KIAA1549: variants seen among roughly 807,000 people sequenced by gnomAD.
The protein encoded by KIAA1549 is UPF0606 protein KIAA1549.
In KIAA1549, 70 loss-of-function variants were observed where a neutral mutation model predicts 156.4. That is an observed-to-expected ratio of 0.45 (90% CI 0.37 to 0.55). The LOEUF (loss-of-function observed/expected upper bound fraction) is 0.55, where lower values mean the gene tolerates loss of function less well. Ranked by LOEUF, KIAA1549 falls within the 20% of genes least tolerant of loss-of-function variation. The pLI, the probability that KIAA1549 is intolerant of heterozygous loss-of-function variation, is 0.00. For synonymous variants in KIAA1549, 1,103 were observed against 1,066.4 expected (o/e 1.03, Z -0.67); for missense variants, 2,428 against 2,540.9 (o/e 0.96, Z 0.96).
chr7:138,843,633 C>G (rs1289995195), intron 18 of KIAA1549, among the ~76,000 whole-genome samples: 1 of 152,030 alleles, frequency 6.6e-6, no homozygotes, highest in Non-Finnish European at 1.5e-5. Context: ...TTTCTATATT[C>G]GTTCAGATTT....
At chr7:138,871,077 C>G (rs1390692206) in intron 13 of KIAA1549, 80 bp downstream of exon 13, 1 of 1,348,320 alleles carries the variant, frequency 7.4e-7, no homozygotes, top group East Asian at 2.5e-5. Flanking sequence ...TTGGCCCCCC[C>G]AAGTGCTGGG....
chr7:138,859,318 A>C (rs1810486776), intron 16 of KIAA1549, among the ~76,000 whole-genome samples: 1 of 151,902 alleles, frequency 6.6e-6, no homozygotes, highest in African/African-American at 2.4e-5. Flanking sequence ...TATCTCCAAC[A>C]CAGTCATGTT....
At position 138,831,986 on chromosome 7, in the gene KIAA1549, C is replaced by G. The variant is rs1368387259; in HGVS notation, c.*5920G>C. ...TCTTTCCCCACATTTGCAGGAGGAACAGTACAGCATATGCGACTTGAACTT... is the reference window on the plus strand; with the variant it reads ...TCTTTCCCCACATTTGCAGGAGGAAGAGTACAGCATATGCGACTTGAACTT... On this transcript the variant is annotated 3_prime_UTR_variant, in exon 20 of 20. Coordinates refer to ENST00000422774, the MANE Select transcript of KIAA1549 (RefSeq NM_001164665.2). 4.3e-6 allele frequency: 1 copy of G among 232,262 alleles called. No homozygotes were observed. Among genetic ancestry groups the G allele is most frequent in the Non-Finnish European group, 8.5e-6 (1 of 117,516 alleles). The allele number at this position is 232,262 out of a possible 1,614,324, so 14.4% of individuals were successfully genotyped here.
rs372791474 is a variant in KIAA1549, at chr7:138,907,018, C to G, written c.3361G>C (p.Gly1121Arg). 1.6e-5 allele frequency: 26 copies of G among 1,613,500 alleles called. No individual in the cohort carries two copies. The highest frequency in any genetic ancestry group is 2.2e-5 in the Non-Finnish European group (26 of 1,179,732). ...NIIFAVKSTQ[G>R]FLNGSEVSEL... ...CTCACTTCCGACCCATTCAAAAATCCCTGTGTGCTTTTAACCGCAAAGATG... is the reference window on the plus strand; with the variant it reads ...CTCACTTCCGACCCATTCAAAAATCGCTGTGTGCTTTTAACCGCAAAGATG... The change falls in exon 6 of 20, where the codon GGA becomes CGA. Residue 1121 changes from glycine (G) to arginine (R), a missense_variant. By Grantham distance (125) the Gly-to-Arg change is moderately radical. Transcript: ENST00000422774.
intron 10 of KIAA1549, among the ~76,000 whole-genome samples, chr7:138,893,760 A>C (rs1811606159): frequency 6.6e-6 from 1 of 152,240 alleles, no homozygotes; most frequent in South Asian, 2.1e-4. Context: ...TCCTCTGAAA[A>C]TATCCAGGGA....
rs1325427419 is a variant in KIAA1549, at chr7:138,835,849, A to G, written c.*2057T>C. On this transcript the variant is annotated 3_prime_UTR_variant, in exon 20 of 20. Coordinates refer to ENST00000422774, the MANE Select transcript of KIAA1549 (RefSeq NM_001164665.2). ...CCTTGGAGCCTCTGAGGATCGCCTG[A>G]TAAGATGCTGCTGGTCCTTTGTTGA... 4.5e-6 allele frequency: 1 copy of G among 221,536 alleles called. No homozygotes were observed. Among genetic ancestry groups the G allele is most frequent in the Non-Finnish European group, 9.0e-6 (1 of 110,824 alleles). 13.7% of individuals were successfully genotyped at this position (221,536 alleles called of 1,614,324 possible).
chr7:138,931,982 C>T (rs1173829833), intron 1 of KIAA1549, among the ~76,000 whole-genome samples: 2 of 151,842 alleles, frequency 1.3e-5, no homozygotes, highest in Non-Finnish European at 2.9e-5. Flanking sequence ...GGTGGGGAGG[C>T]GTGGGGTGTG....
chr7:138,906,792 C>T (rs1020910557), intron 6 of KIAA1549, 127 bp downstream of exon 6: 30 of 681,548 alleles, frequency 4.4e-5, no homozygotes, highest in South Asian at 2.4e-4. Flanking sequence ...TGTACCCCAA[C>T]GCCTTATGGA....
At chr7:138,976,138 G>A (rs543657693) in intron 1 of KIAA1549, among the ~76,000 whole-genome samples, 4 of 152,120 alleles carry the variant, frequency 2.6e-5, no homozygotes, top group East Asian at 3.9e-4. Flanking sequence ...GTGCAGTGGC[G>A]CGATCTCATT....
chr7:138,847,375 A>G (rs1163245572), intron 17 of KIAA1549, among the ~76,000 whole-genome samples: 4 of 152,172 alleles, frequency 2.6e-5, no homozygotes, highest in African/African-American at 4.8e-5. Flanking sequence ...TTGGATCACA[A>G]AGCTGTGTGG....
chr7:138,850,202 G>C (rs1245517288), intron 17 of KIAA1549, among the ~76,000 whole-genome samples: 1 of 152,092 alleles, frequency 6.6e-6, no homozygotes, highest in Non-Finnish European at 1.5e-5. Context: ...AGTCTGGTCT[G>C]TGCTGGATCC....
Position 138,917,140 on chromosome 7 carries a change from G to GT in KIAA1549, c.2485_2486insA (p.Ser829TyrfsTer13). 1 of 1,613,542 alleles carries GT rather than the reference G, an allele frequency of 6.2e-7. No individual in the cohort carries two copies. The highest frequency in any genetic ancestry group is 8.5e-7 in the Non-Finnish European group (1 of 1,179,706). On this transcript the variant is annotated frameshift_variant, in exon 2 of 20. Coordinates refer to ENST00000422774, the MANE Select transcript of KIAA1549 (RefSeq NM_001164665.2). LOFTEE classifies it high-confidence loss of function. ...CACCGTACCAGTGGGAATGGCTTTG[G>GT]AGAAAGAGGCCAGGACAGACACGTG...
intron 8 of KIAA1549, among the ~76,000 whole-genome samples, chr7:138,901,326 A>ATT (rs55728739): frequency 8.3e-5 from 11 of 132,866 alleles, no homozygotes; most frequent in African/African-American, 1.1e-4. Flanking sequence ...CTTGAGTTTT[A>ATT]TTTTTTTTTT....
chr7:138,905,495 C>T (rs1811980935), intron 6 of KIAA1549, among the ~76,000 whole-genome samples: 1 of 152,228 alleles, frequency 6.6e-6, no homozygotes, highest in Admixed American at 6.5e-5. Context: ...CTCATTTTAG[C>T]CATACACACA....
chr7:138,861,509 C>G (rs892015142), intron 15 of KIAA1549, 53 bp from the exon 16 acceptor site: 3 of 1,433,510 alleles, frequency 2.1e-6, no homozygotes, highest in Non-Finnish European at 2.9e-6. Context: ...TGTGGCAACC[C>G]TAAACAGTTT....
At chr7:138,885,249 T>A (rs986433933) in intron 10 of KIAA1549, among the ~76,000 whole-genome samples, 7 of 151,946 alleles carry the variant, frequency 4.6e-5, no homozygotes, top group Admixed American at 1.3e-4. Flanking sequence ...ATAATAATAA[T>A]AAAAATGTAT....
At chr7:138,945,033 T>A (rs1340712100) in intron 1 of KIAA1549, among the ~76,000 whole-genome samples, 1 of 152,202 alleles carries the variant, frequency 6.6e-6, no homozygotes, top group East Asian at 1.9e-4. Context: ...TACCAAAAAA[T>A]AACTTAAGGG....
In KIAA1549 at chr7:138,836,032, T is replaced by G. The variant is rs533011200; in HGVS notation, c.*1874A>C. On this transcript the variant is annotated 3_prime_UTR_variant, in exon 20 of 20. Coordinates refer to ENST00000422774, the MANE Select transcript of KIAA1549 (RefSeq NM_001164665.2). Reference sequence around the variant, plus strand: ...ATTAATGAAGGGCTAAAACATGGTTTTGAAATCCAGTGATTACACTTTGGA... The same window carrying G: ...ATTAATGAAGGGCTAAAACATGGTTGTGAAATCCAGTGATTACACTTTGGA... The G allele has an allele frequency of 7.2e-4, 154 of 212,726 alleles. 1 individual carries two copies. Among genetic ancestry groups the G allele is most frequent in the African/African-American group, 3.4e-3 (152 of 44,280 alleles). The allele number at this position is 212,726 out of a possible 1,614,324, so 13.2% of individuals were successfully genotyped here. A position where few individuals can be genotyped will look rare whatever the true frequency, so the allele number is the denominator to read the frequency against.
intron 1 of KIAA1549, among the ~76,000 whole-genome samples, chr7:138,959,951 G>C (rs1173360299): frequency 6.6e-6 from 1 of 152,180 alleles, no homozygotes; most frequent in Admixed American, 6.5e-5. Context: ...AGAGACTACT[G>C]GTCCCTTAAC....
Sources: allele counts gnomAD v4.1 joint callset (sites outside exome capture counted in the v4.1 genomes callset), GRCh38; gene constraint gnomAD v4.1.1; transcripts MANE v1.5; gene names NCBI Gene and HGNC (gene_info 2026-07-23, HGNC 2026-07-21).